The following PPME1 variants were observed in gnomAD, a reference collection of about 807,000 sequenced individuals.
PPME1 encodes the protein protein phosphatase methylesterase 1.
In PPME1, 17 loss-of-function variants were observed where a neutral mutation model predicts 56.9. The ratio of observed to expected loss-of-function variants is 0.30; its 90% CI spans 0.20 to 0.45. PPME1 has a LOEUF of 0.45. Ranked by LOEUF, PPME1 falls within the 20% of genes least tolerant of loss-of-function variation. The pLI, the probability that PPME1 is intolerant of heterozygous loss-of-function variation, is 1.00. For synonymous variants in PPME1, 122 were observed against 156.2 expected, an observed-to-expected ratio of 0.78 and a Z score of 1.63; for missense variants, 357 against 483.2, an observed-to-expected ratio of 0.74 and a Z score of 2.45.
At chr11:74,251,062 T>C in intron 12 of PPME1, 44 bp downstream of exon 12, 2 of 1,559,096 alleles carry the variant, frequency 1.3e-6, no homozygotes, top group East Asian at 2.4e-5. Flanking sequence ...ACTGTGAGAA[T>C]AACCCTGGAT....
At chr11:74,217,343 A>G (rs1858675224) in intron 3 of PPME1, among the ~76,000 whole-genome samples, 1 of 152,046 alleles carries the variant, frequency 6.6e-6, no homozygotes, top group Non-Finnish European at 1.5e-5. Flanking sequence ...GGAGTTCAAG[A>G]TCAGCCTGGC....
intron 9 of PPME1, among the ~76,000 whole-genome samples, chr11:74,242,900 A>AAG (rs1387388213): frequency 1.3e-5 from 2 of 151,586 alleles, no homozygotes; most frequent in African/African-American, 4.8e-5. Context: ...AAAAAAAAAA[A>AAG]AAACAGGCTG....
At chr11:74,210,872 G>C (rs1452207084) in intron 3 of PPME1, among the ~76,000 whole-genome samples, 2 of 152,186 alleles carry the variant, frequency 1.3e-5, no homozygotes, top group Non-Finnish European at 2.9e-5. Flanking sequence ...GCAATTTTCA[G>C]TGTTATACTG....
At position 74,230,116 on chromosome 11, in the gene PPME1, T is replaced by C. The variant is rs1859029028; in HGVS notation, c.399-129T>C. 1.0e-6 allele frequency: 1 copy of C among 989,398 alleles called. No individual in the cohort carries two copies. Among genetic ancestry groups the C allele is most frequent in the Non-Finnish European group, 1.5e-6 (1 of 675,232 alleles). 61.3% of individuals were successfully genotyped at this position (989,398 alleles called of 1,614,324 possible). A position where few individuals can be genotyped will look rare whatever the true frequency, so the allele number is the denominator to read the frequency against. Reference sequence around the variant, plus strand: ...TAGAAGGTTTACATAGGTATGTTTGTAAGATGGCCCAATAGACTTTTACAG... The same window carrying C: ...TAGAAGGTTTACATAGGTATGTTTGCAAGATGGCCCAATAGACTTTTACAG... On this transcript the variant is annotated intron_variant, in intron 5 of 13. Coordinates refer to ENST00000328257, the MANE Select transcript of PPME1 (RefSeq NM_016147.3). The surrounding 1 kb of genome is among the most constrained non-coding windows in gnomAD (Gnocchi z 4.9).
chr11:74,242,271 A>C (rs1401445245), intron 9 of PPME1, among the ~76,000 whole-genome samples: 1 of 152,188 alleles, frequency 6.6e-6, no homozygotes, highest in Admixed American at 6.5e-5. Flanking sequence ...ACCTTTGCTG[A>C]AAATCAATTG....
chr11:74,251,133 C>G, intron 12 of PPME1, 115 bp downstream of exon 12: 1 of 1,512,838 alleles, frequency 6.6e-7, no homozygotes, highest in Non-Finnish European at 8.9e-7. Context: ...GCTGTGGAGC[C>G]TATGCAGATG....
intron 1 of PPME1, among the ~76,000 whole-genome samples, chr11:74,173,358 A>C (rs80086566): frequency 0.016 from 2,469 of 152,242 alleles, 29 homozygotes; most frequent in Admixed American, 0.028. Flanking sequence ...AGAAAATCAG[A>C]TTTTTAATAA....
chr11:74,251,549 G>C, intron 12 of PPME1, 99 bp from the exon 13 acceptor site: 1 of 1,534,764 alleles, frequency 6.5e-7, no homozygotes, highest in Non-Finnish European at 8.7e-7. Context: ...GGTGGGATGA[G>C]GGCACCGTAG....
intron 13 of PPME1, among the ~76,000 whole-genome samples, chr11:74,252,259 T>G (rs1178172325): frequency 6.6e-6 from 1 of 150,852 alleles, no homozygotes; most frequent in South Asian, 2.1e-4. Flanking sequence ...TTGTTTTTTT[T>G]TTTTTTTAGT....
intron 9 of PPME1, among the ~76,000 whole-genome samples, chr11:74,245,497 A>G (rs1476040893): frequency 1.3e-5 from 2 of 152,116 alleles, no homozygotes; most frequent in Admixed American, 1.3e-4. Flanking sequence ...AAATGTTGAC[A>G]TTTTGTCATA....
intron 3 of PPME1, among the ~76,000 whole-genome samples, chr11:74,215,999 T>A (rs1205511766): frequency 6.6e-6 from 1 of 152,114 alleles, no homozygotes; most frequent in Non-Finnish European, 1.5e-5. Flanking sequence ...CCCAAATAGG[T>A]AAAGCAAATA....
intron 1 of PPME1, among the ~76,000 whole-genome samples, chr11:74,181,256 G>A (rs1383431730): frequency 6.6e-6 from 1 of 150,712 alleles, no homozygotes; most frequent in African/African-American, 2.4e-5. Flanking sequence ...CACCTTGTTA[G>A]CCAGGATGGT....
At chr11:74,172,093 G>C (rs1459607480) in intron 1 of PPME1, among the ~76,000 whole-genome samples, 1 of 152,220 alleles carries the variant, frequency 6.6e-6, no homozygotes, top group Admixed American at 6.5e-5. Flanking sequence ...GAGGTGTAAA[G>C]ACAGATTCAG....
chr11:74,219,732 G>T (rs1858748409), intron 3 of PPME1, among the ~76,000 whole-genome samples: 1 of 152,068 alleles, frequency 6.6e-6, no homozygotes, highest in Admixed American at 6.6e-5. Flanking sequence ...GTTACCAGAG[G>T]CTGGGAACAG....
intron 5 of PPME1, 43 bp downstream of exon 5, chr11:74,225,299 A>C (rs1459001697): frequency 1.5e-6 from 2 of 1,333,778 alleles, no homozygotes; most frequent in Admixed American, 2.2e-5. Context: ...GTCTCCCATC[A>C]CTATTATAAA....
At chr11:74,188,256 C>T (rs1035680975) in intron 1 of PPME1, among the ~76,000 whole-genome samples, 88 of 148,252 alleles carry the variant, frequency 5.9e-4, no homozygotes, top group Non-Finnish European at 1.0e-3. Flanking sequence ...GGCACTATCT[C>T]GGCTCACTGC....
intron 11 of PPME1, chr11:74,247,368 T>C (rs2135679544): frequency 2.1e-6 from 1 of 473,490 alleles, no homozygotes; most frequent in East Asian, 3.6e-5. Flanking sequence ...ACTACCTATG[T>C]CTCAGTTATA....
At chr11:74,245,068 C>T (rs1454642512) in intron 9 of PPME1, among the ~76,000 whole-genome samples, 3 of 152,014 alleles carry the variant, frequency 2.0e-5, no homozygotes, top group Admixed American at 6.6e-5. Flanking sequence ...TTTGTCTTTA[C>T]GGCAGTACTA....
chr11:74,174,273 C>T (rs1242621082), intron 1 of PPME1, among the ~76,000 whole-genome samples: 2 of 152,184 alleles, frequency 1.3e-5, no homozygotes, highest in South Asian at 2.1e-4. Context: ...AGGACTAGGA[C>T]TTGGGTCTCT....
Sources: allele counts gnomAD v4.1 joint callset (sites outside exome capture counted in the v4.1 genomes callset), GRCh38; gene constraint gnomAD v4.1.1; non-coding constraint Gnocchi (gnomAD v3.1); transcripts MANE v1.5; gene names NCBI Gene and HGNC (gene_info 2026-07-23, HGNC 2026-07-21).